The following ANKRD28 variants were observed in gnomAD, a reference collection of about 807,000 sequenced individuals.
The protein encoded by ANKRD28 is serine/threonine-protein phosphatase 6 regulatory ankyrin repeat subunit A.
In ANKRD28, 44 loss-of-function variants were observed where a neutral mutation model predicts 126.5. The ratio of observed to expected loss-of-function variants is 0.35; its 90% CI spans 0.27 to 0.45. The LOEUF (loss-of-function observed/expected upper bound fraction) is 0.45. ANKRD28 is among the 20% of genes least tolerant of loss of function. The pLI is 1.00. For missense variants in ANKRD28, 1,110 were observed against 1,316.6 expected (o/e 0.84, Z 2.43); for synonymous variants, 442 against 468.5 (o/e 0.94, Z 0.73).
chr3:15,811,567 G>A (rs2060712514), intron 1 of ANKRD28, among the ~76,000 whole-genome samples: 1 of 151,998 alleles, frequency 6.6e-6, no homozygotes, highest in South Asian at 2.1e-4. Flanking sequence ...CGATTCTCCT[G>A]CCTCAGCCTC....
In ANKRD28 at chr3:15,812,777, A is replaced by G. The variant is rs759977470; in HGVS notation, c.28-17471T>C. Among the ~76,000 whole-genome samples, 5 of 152,220 alleles carry G rather than the reference A, an allele frequency of 3.3e-5. No individual in the cohort carries two copies. The highest frequency in any genetic ancestry group is 7.3e-5 in the Non-Finnish European group (5 of 68,034). ...CAACAGCCATCCCACAGAACAACAA[A>G]TAAGTCATTCTATGTACTTTTTTAA... On this transcript the variant is annotated intron_variant, in intron 1 of 27. Transcript: ENST00000399451. The surrounding 1 kb of genome is among the most constrained non-coding windows in gnomAD (Gnocchi z 4.1).
chr3:15,699,367 G>T (rs900719267), intron 14 of ANKRD28, among the ~76,000 whole-genome samples: 1 of 152,152 alleles, frequency 6.6e-6, no homozygotes, highest in Admixed American at 6.5e-5. Context: ...AAAAGCAATA[G>T]CAACAGAAGC....
intron 1 of ANKRD28, among the ~76,000 whole-genome samples, chr3:15,809,720 C>T (rs1262504265): frequency 6.6e-6 from 1 of 152,154 alleles, no homozygotes; most frequent in Non-Finnish European, 1.5e-5. Flanking sequence ...GGATTTCTGT[C>T]ATTTGTAACC....
chr3:15,810,308 A>G (rs1225868344), intron 1 of ANKRD28, among the ~76,000 whole-genome samples: 1 of 152,116 alleles, frequency 6.6e-6, no homozygotes, highest in Non-Finnish European at 1.5e-5. Flanking sequence ...TATCAATACC[A>G]TTGATAAGTA....
intron 2 of ANKRD28, among the ~76,000 whole-genome samples, chr3:15,794,328 T>TAA (rs57325392): frequency 0.46 from 68,178 of 148,178 alleles, 18,277 homozygotes; most frequent in Non-Finnish European, 0.59. Flanking sequence ...AGTATTATAT[T>TAA]AAAAAAAAAA....
intron 1 of ANKRD28, among the ~76,000 whole-genome samples, chr3:15,858,063 A>T (rs566070502): frequency 3.9e-4 from 60 of 152,350 alleles, no homozygotes; most frequent in African/African-American, 1.3e-3. Flanking sequence ...TGTCCAGTAG[A>T]ACTATCTGAA....
intron 1 of ANKRD28, among the ~76,000 whole-genome samples, chr3:15,829,949 A>T (rs1388780570): frequency 2.6e-5 from 4 of 152,198 alleles, no homozygotes; most frequent in African/African-American, 9.6e-5. Context: ...TAAAAAAAAA[A>T]AAAAGTCTAG....
intron 1 of ANKRD28, among the ~76,000 whole-genome samples, chr3:15,821,254 GA>G (rs765050963): frequency 5.1e-4 from 77 of 152,094 alleles, no homozygotes; most frequent in Non-Finnish European, 1.0e-4. Flanking sequence ...AAAGCAAAAG[GA>G]ACTCAGTAGT....
rs140333742 is a variant in ANKRD28 at position 15,716,642 on chromosome 3, T to A, written c.997-1986A>T. On this transcript the variant is annotated intron_variant, in intron 8 of 27. Transcript: ENST00000683139. The stretch of plus-strand genomic sequence containing the variant: ...ACATAGATTCCATTGATAAGAAGGA[T>A]AAGAAAAACAAGAGGAAAACTAACT... Among the ~76,000 whole-genome samples the A allele has an allele frequency of 2.8e-3, 429 of 151,930 alleles. 2 individuals are homozygous for A. Among genetic ancestry groups the A allele is most frequent in the Middle Eastern group, 0.01 (3 of 294 alleles).
rs546724101 is a variant in ANKRD28 at position 15,700,575 on chromosome 3, A to G, written c.1548-4330T>C. On this transcript the variant is annotated intron_variant, in intron 14 of 27. Transcript: ENST00000683139. ...CAGATCATGAGGCCAAGAGATCAAG[A>G]CCATCCTGGCCAACATGGTGAAATC... Among the ~76,000 whole-genome samples the G allele has an allele frequency of 9.9e-5, 15 of 152,282 alleles. No homozygotes were observed. In the East Asian group the frequency reaches 2.9e-3, roughly 29 times the overall value.
At chr3:15,801,513 T>A (rs2060465424), upstream of ANKRD28, among the ~76,000 whole-genome samples, 1 of 152,152 alleles carries the variant, frequency 6.6e-6, no homozygotes, top group South Asian at 2.1e-4. The surrounding 1 kb of genome is among the most constrained non-coding windows in gnomAD (Gnocchi z 4.9). Flanking sequence ...TGGTGAAAGA[T>A]GGTAAGGAAG....
intron 10 of ANKRD28, 62 bp downstream of exon 10, chr3:15,713,465 C>T: frequency 7.9e-7 from 1 of 1,258,440 alleles, no homozygotes; most frequent in South Asian, 1.3e-5. Flanking sequence ...GTCTAGAAAA[C>T]TGCAGTTCAC....
chr3:15,851,732 G>A (rs116069634), intron 1 of ANKRD28, among the ~76,000 whole-genome samples: 103 of 152,204 alleles, frequency 6.8e-4, no homozygotes, highest in African/African-American at 2.4e-3. Context: ...AAACAGAATA[G>A]TTCCTCAAAA....
intron 3 of ANKRD28, among the ~76,000 whole-genome samples, chr3:15,761,002 A>AGG (rs1393144499): frequency 6.6e-6 from 1 of 152,198 alleles, no homozygotes; most frequent in African/African-American, 2.4e-5. Context: ...AAAACCTGAA[A>AGG]TATGAACACA....
chr3:15,690,673 TCC>T (rs752018992), intron 17 of ANKRD28, among the ~76,000 whole-genome samples: 16 of 152,164 alleles, frequency 1.1e-4, no homozygotes, highest in Non-Finnish European at 1.6e-4. Flanking sequence ...TAAGTGATCC[TCC>T]CACCTCAGCC....
chr3:15,856,097 A>G (rs1399569143), intron 1 of ANKRD28, among the ~76,000 whole-genome samples: 1 of 152,182 alleles, frequency 6.6e-6, no homozygotes. Flanking sequence ...AAACCAAAGC[A>G]TTAATTGTTG....
At chr3:15,708,263 T>A (rs1191565576) in intron 13 of ANKRD28, among the ~76,000 whole-genome samples, 199 bp from the exon 14 acceptor site, 1 of 152,200 alleles carries the variant, frequency 6.6e-6, no homozygotes, top group East Asian at 1.9e-4. Context: ...TTTAAGTATA[T>A]GAAATAAGAT....
chr3:15,796,416 C>T lies in ANKRD28; in HGVS notation c.106G>A (p.Gly36Arg), dbSNP rs1389989787. The T allele has an allele frequency of 7.8e-6, 10 of 1,286,798 alleles. No individual in the cohort carries two copies. Among genetic ancestry groups the T allele is most frequent in the Non-Finnish European group, 1.0e-5 (10 of 986,958 alleles). 79.7% of individuals were successfully genotyped at this position (1,286,798 alleles called of 1,614,324 possible). A position where few individuals can be genotyped will look rare whatever the true frequency, so the allele number is the denominator to read the frequency against. Residue 36 changes from glycine to arginine, a missense_variant, in exon 1 of 28, where the codon GGA becomes AGA. Transcript: ENST00000683139. Reference sequence around the variant, plus strand: ...CTTACATATCTTACCAATACATTTCCAGAAGGTGGAGAATGTAGGGATTTA... The same window carrying T: ...CTTACATATCTTACCAATACATTTCTAGAAGGTGGAGAATGTAGGGATTTA... ...ENKSLHSPPS[G>R]NVLPSLVQAI...
intron 2 of ANKRD28, among the ~76,000 whole-genome samples, chr3:15,780,922 A>G (rs958860776): frequency 2.6e-5 from 4 of 152,142 alleles, no homozygotes; most frequent in African/African-American, 9.6e-5. Flanking sequence ...AAATCAGCTC[A>G]AAATACATTA....
Sources: allele counts gnomAD v4.1 joint callset (sites outside exome capture counted in the v4.1 genomes callset), GRCh38; gene constraint gnomAD v4.1.1; non-coding constraint Gnocchi (gnomAD v3.1); transcripts MANE v1.5; gene names NCBI Gene and HGNC (gene_info 2026-07-23, HGNC 2026-07-21).